The following CD96 variants were observed in gnomAD, a reference collection of about 807,000 sequenced individuals.
The protein encoded by CD96 is CD96 molecule.
In CD96, 70 loss-of-function variants were observed where a neutral mutation model predicts 71.3. The ratio of observed to expected loss-of-function variants is 0.98; its 90% CI spans 0.81 to 1.20. The LOEUF is 1.20. Ranked by LOEUF, CD96 falls within the 50% of genes most tolerant of loss-of-function variation. The pLI is 0.00. For missense variants in CD96, 742 were observed against 677.5 expected, an observed-to-expected ratio of 1.10 and a Z score of -1.06; for synonymous variants, 248 against 233.0, an observed-to-expected ratio of 1.06 and a Z score of -0.59.
chr3:111,653,849 A>T (rs754973231), downstream of CD96, among the ~76,000 whole-genome samples: 11 of 152,186 alleles, frequency 7.2e-5, no homozygotes, highest in Non-Finnish European at 1.2e-4. Context: ...TATGCTAAAA[A>T]TTGTAACAGA....
chr3:111,560,978 C>T (rs1439031594), intron 2 of CD96, among the ~76,000 whole-genome samples: 5 of 141,620 alleles, frequency 3.5e-5, no homozygotes, highest in Non-Finnish European at 6.0e-5. Context: ...ATTGCTGATA[C>T]CCTTTCTTCC....
In CD96 at chr3:111,567,552, A is replaced by G; in HGVS notation, c.448A>G (p.Thr150Ala). The G allele has an allele frequency of 6.2e-7, 1 of 1,605,030 alleles. No homozygotes were observed. The highest frequency in any genetic ancestry group is 8.5e-7 in the Non-Finnish European group (1 of 1,171,794). The change falls in exon 3 of 14, where the codon ACG becomes GCG. Residue 150 changes from threonine to alanine, a missense_variant. Transcript: ENST00000352690. ...AGCAGATGAATGGAACAGCAACCAT[A>G]CGATAGAAATAGAGATAAATCAGAC... is the stretch of plus-strand genomic sequence containing the variant. Reference protein sequence around the residue: ...VTADEWNSNHTIEIEINQTLE... With the variant: ...VTADEWNSNHAIEIEINQTLE...
chr3:111,566,969 CTA>C (rs1935741219), intron 2 of CD96, among the ~76,000 whole-genome samples: 1 of 152,064 alleles, frequency 6.6e-6, no homozygotes, highest in Admixed American at 6.5e-5. Flanking sequence ...CTAATGTAAA[CTA>C]TGAACTTTGG....
At chr3:111,661,264 A>G (rs536104727) in intron 14 of CD96, among the ~76,000 whole-genome samples, 1 of 152,304 alleles carries the variant, frequency 6.6e-6, no homozygotes, top group East Asian at 1.9e-4. Flanking sequence ...ACCTCCCACC[A>G]AGCCCCTCTC....
downstream of CD96, among the ~76,000 whole-genome samples, chr3:111,653,252 C>T (rs1940150252): frequency 3.9e-5 from 6 of 152,238 alleles, no homozygotes; most frequent in South Asian, 1.2e-3. Context: ...CAAGGCTGGT[C>T]CAGTCCAGAT....
chr3:111,659,014 A>G (rs1940295167), intron 14 of CD96, among the ~76,000 whole-genome samples: 1 of 152,116 alleles, frequency 6.6e-6, no homozygotes, highest in South Asian at 2.1e-4. Flanking sequence ...CATTGGGTCC[A>G]GGGCTTCTTT....
At chr3:111,588,398 T>C (rs1265363178) in intron 5 of CD96, among the ~76,000 whole-genome samples, 2 of 152,226 alleles carry the variant, frequency 1.3e-5, no homozygotes, top group African/African-American at 4.8e-5. Flanking sequence ...TTATTGTTCA[T>C]ATTACTATTG....
At chr3:111,632,652 T>C (rs1162254773) in intron 10 of CD96, among the ~76,000 whole-genome samples, 6 of 152,180 alleles carry the variant, frequency 3.9e-5, no homozygotes, top group Non-Finnish European at 7.4e-5. Flanking sequence ...CATTCTATTA[T>C]TCAAGACACA....
At chr3:111,590,910 G>A (rs555872609) in intron 5 of CD96, among the ~76,000 whole-genome samples, 62 of 152,096 alleles carry the variant, frequency 4.1e-4, no homozygotes, top group African/African-American at 1.5e-3. Context: ...CTTTAGCCCC[G>A]TCATCTCCAT....
chr3:111,649,826 A>C lies in CD96; in HGVS notation c.*20A>C. On this transcript the variant is annotated 3_prime_UTR_variant, in exon 14 of 14. Transcript: ENST00000352690. The stretch of plus-strand genomic sequence containing the variant: ...CTCTAGTCTCGTGAGACTTTGCCCC[A>C]TGGCAGAACTCTGCTGGAATCCTAT... 1.4e-6 allele frequency: 2 copies of C among 1,411,062 alleles called. No individual in the cohort carries two copies. Among genetic ancestry groups the C allele is most frequent in the Non-Finnish European group, 2.0e-6 (2 of 994,708 alleles). 87.4% of individuals were successfully genotyped at this position (1,411,062 alleles called of 1,614,324 possible).
chr3:111,584,874 A>G (rs1576349847), intron 4 of CD96, among the ~76,000 whole-genome samples: 1 of 151,866 alleles, frequency 6.6e-6, no homozygotes, highest in African/African-American at 2.4e-5. Context: ...CCTCCCCACC[A>G]CCCATCCTCC....
chr3:111,545,086 T>C lies in CD96; in HGVS notation c.102T>C (p.Tyr34=). Residue 34 remains tyrosine, a synonymous_variant, in exon 2 of 14, where the codon TAT becomes TAC. Transcript: ENST00000352690. ...EKTVNTEENV[Y]ATLGSDVNLT... is the part of the protein sequence containing the mutation. ...CAGTCAACACAGAAGAAAATGTTTA[T>C]GCTACACTTGGCTCTGATGTCAACC... 6.2e-7 allele frequency: 1 copy of C among 1,614,194 alleles called. No homozygotes were observed. Among genetic ancestry groups the C allele is most frequent in the Non-Finnish European group, 8.5e-7 (1 of 1,180,036 alleles).
intron 1 of CD96, among the ~76,000 whole-genome samples, 182 bp downstream of exon 1, chr3:111,542,491 G>A (rs1311931331): frequency 6.6e-6 from 1 of 152,150 alleles, no homozygotes; most frequent in African/African-American, 2.4e-5. Flanking sequence ...ATCTAGAAAT[G>A]ATTACTAATG....
At chr3:111,606,830 A>C in intron 8 of CD96, 38 bp downstream of exon 8, 1 of 1,153,354 alleles carries the variant, frequency 8.7e-7, no homozygotes, top group Middle Eastern at 1.9e-4. Flanking sequence ...GATTTAACCA[A>C]GCAGATTGAT....
At chr3:111,587,623 G>A (rs913010656) in intron 5 of CD96, among the ~76,000 whole-genome samples, 1 of 152,198 alleles carries the variant, frequency 6.6e-6, no homozygotes, top group Non-Finnish European at 1.5e-5. Context: ...TCTTCCTTTT[G>A]CACTGCCCTA....
intron 4 of CD96, 111 bp downstream of exon 4, chr3:111,579,345 G>A (rs748768057): frequency 1.3e-6 from 1 of 767,070 alleles, no homozygotes; most frequent in Non-Finnish European, 2.4e-6. Context: ...GTGGGTAACA[G>A]TGCTGGAGTC....
chr3:111,611,050 G>A (rs1460684414), intron 8 of CD96, among the ~76,000 whole-genome samples: 1 of 152,154 alleles, frequency 6.6e-6, no homozygotes, highest in Non-Finnish European at 1.5e-5. Context: ...CTTGCCTCCT[G>A]TTTTACTGCC....
intron 5 of CD96, among the ~76,000 whole-genome samples, chr3:111,586,236 G>A (rs916129513): frequency 1.3e-5 from 2 of 152,080 alleles, no homozygotes; most frequent in Non-Finnish European, 2.9e-5. Flanking sequence ...AAAACCCTAA[G>A]TAAAAAATAT....
At chr3:111,552,490 A>G (rs1934766434) in intron 2 of CD96, among the ~76,000 whole-genome samples, 1 of 152,194 alleles carries the variant, frequency 6.6e-6, no homozygotes, top group African/African-American at 2.4e-5. Flanking sequence ...ACCTAATCTC[A>G]GATATTCTTT....
Sources: gnomAD v4.1 joint callset for allele counts (sites outside exome capture counted in the v4.1 genomes callset) on GRCh38, gnomAD v4.1.1 for gene constraint, MANE v1.5 for transcripts, NCBI Gene and HGNC (gene_info 2026-07-23, HGNC 2026-07-21) for gene names.